Variants in COL21A1 observed in about 807,000 individuals in gnomAD.
The protein encoded by COL21A1 is collagen alpha-1(XXI) chain.
A neutral mutation model predicts 137.9 loss-of-function variants in COL21A1; 149 were observed. That is an observed-to-expected ratio of 1.08 (90% CI 0.95 to 1.24). The LOEUF is 1.24. COL21A1 is among the 50% of genes most tolerant of loss of function. The probability of loss-of-function intolerance (pLI) is 0.00; values close to 1 mark genes in which losing one functional copy is unlikely to be tolerated. For missense variants in COL21A1, 1,167 were observed against 1,158.4 expected (o/e 1.01, Z -0.11); for synonymous variants, 456 against 391.5 (o/e 1.16, Z -1.95).
intron 1 of COL21A1, among the ~76,000 whole-genome samples, chr6:56,297,212 C>T (rs1764183494): frequency 6.6e-6 from 1 of 152,086 alleles, no homozygotes; most frequent in Non-Finnish European, 1.5e-5. Flanking sequence ...TTGCCATGCG[C>T]ATGAGTTACT....
chr6:56,244,457 A>C (rs976837308), intron 1 of COL21A1, among the ~76,000 whole-genome samples: 3 of 152,110 alleles, frequency 2.0e-5, no homozygotes, highest in Non-Finnish European at 4.4e-5. Flanking sequence ...TTTCATCCCC[A>C]CAGCTACTCC....
chr6:56,354,347 G>GA (rs1347855896), intron 1 of COL21A1, among the ~76,000 whole-genome samples: 7 of 152,032 alleles, frequency 4.6e-5, no homozygotes, highest in African/African-American at 1.7e-4. Flanking sequence ...GTGCTTTTTT[G>GA]AATATATGCT....
chr6:56,301,713 T>C (rs545591515), intron 1 of COL21A1, among the ~76,000 whole-genome samples: 1 of 151,792 alleles, frequency 6.6e-6, no homozygotes, highest in Non-Finnish European at 1.5e-5. Flanking sequence ...ACTTTTTTCT[T>C]TTTTTTTCCA....
chr6:56,260,882 G>C (rs1012516316), intron 1 of COL21A1, among the ~76,000 whole-genome samples: 8 of 148,108 alleles, frequency 5.4e-5, no homozygotes, highest in Middle Eastern at 3.2e-3. Flanking sequence ...GTGTGTATGT[G>C]TGTGTGTGTG....
intron 1 of COL21A1, among the ~76,000 whole-genome samples, chr6:56,306,137 A>G (rs572772350): frequency 2.9e-5 from 3 of 103,192 alleles, no homozygotes; most frequent in Non-Finnish European, 4.4e-5. Flanking sequence ...TGGGTAACCC[A>G]ACCTTTCTCT....
intron 1 of COL21A1, among the ~76,000 whole-genome samples, chr6:56,206,697 A>AATAAATAT (rs1344636182): frequency 5.0e-4 from 16 of 32,306 alleles, no homozygotes; most frequent in South Asian, 2.8e-3. Context: ...TAAATAAATA[A>AATAAATAT]ATATATATAT....
chr6:56,278,256 G>T (rs1186900922), intron 1 of COL21A1, among the ~76,000 whole-genome samples: 3 of 152,180 alleles, frequency 2.0e-5, no homozygotes, highest in Non-Finnish European at 4.4e-5. Context: ...TAAAATAAAT[G>T]GTGGGATGTT....
At chr6:56,278,742 ACCGATTGG>A (rs1763726669) in intron 1 of COL21A1, among the ~76,000 whole-genome samples, 2 of 152,178 alleles carry the variant, frequency 1.3e-5, no homozygotes, top group South Asian at 4.1e-4. Context: ...CCCATGTCAC[ACCGATTGG>A]TGGTGAATGA....
chr6:56,186,404 T>A (rs1458603685), intron 1 of COL21A1, among the ~76,000 whole-genome samples: 1 of 152,214 alleles, frequency 6.6e-6, no homozygotes, highest in Admixed American at 6.5e-5. Context: ...CACATTGAGT[T>A]GTGAAATACT....
Position 56,098,542 on chromosome 6 carries a change from TATATAAATATATATAA to T in COL21A1, c.1812+2914_1812+2929del, listed in dbSNP as rs1769970664. On this transcript the variant is annotated intron_variant, in intron 17 of 29. Coordinates refer to ENST00000244728, the MANE Select transcript of COL21A1 (RefSeq NM_030820.4). ...ATAAATATATAAATATATATATAAA[TATATAAATATATATAA>T]ATATATAAATATATATAAATATATA... Among the ~76,000 whole-genome samples, 14 of 31,230 alleles carry T rather than the reference TATATAAATATATATAA, an allele frequency of 4.5e-4. 1 individual carries two copies. The highest frequency in any genetic ancestry group is 2.0e-3 in the African/African-American group (14 of 6,868). The allele number at this position is 31,230 out of a possible 152,430, so 20.5% of individuals were successfully genotyped here.
chr6:56,283,746 A>C (rs1274434110), intron 1 of COL21A1, among the ~76,000 whole-genome samples: 1 of 152,050 alleles, frequency 6.6e-6, no homozygotes, highest in Non-Finnish European at 1.5e-5. Flanking sequence ...GGAGGAACTA[A>C]ATTTTTAAAT....
chr6:56,101,539 G>A lies in COL21A1; in HGVS notation c.1759-14C>T, dbSNP rs772686704. The A allele has an allele frequency of 3.2e-6, 5 of 1,571,642 alleles. No individual in the cohort carries two copies. Among genetic ancestry groups the A allele is most frequent in the Non-Finnish European group, 3.5e-6 (4 of 1,156,210 alleles). ...TCCTGCTTCTCCCTTTTAATGATTT[G>A]ACAAAAAGAAATAGAGAATTCAGTT... On this transcript the variant is annotated splice_polypyrimidine_tract_variant and intron_variant, in intron 16 of 29. Coordinates refer to ENST00000244728, the MANE Select transcript of COL21A1 (RefSeq NM_030820.4).
At position 56,152,828 on chromosome 6, in the gene COL21A1, G is replaced by A. The variant is rs4715582; in HGVS notation, c.1434+4059C>T. On this transcript the variant is annotated intron_variant, in intron 10 of 29. Transcript: ENST00000244728. Reference sequence around the variant, plus strand: ...ATCTGGGAGCTCTGTGTCATTATTAGGCATGAGCAGATGACATCAGTGTGT... The same window carrying A: ...ATCTGGGAGCTCTGTGTCATTATTAAGCATGAGCAGATGACATCAGTGTGT... Among the ~76,000 whole-genome samples the A allele has an allele frequency of 4.2e-3, 634 of 152,212 alleles. 20 individuals carry two copies. In the East Asian group the frequency reaches 0.06, roughly 15 times the overall value.
chr6:56,092,245 T>A (rs1768894181), intron 17 of COL21A1, among the ~76,000 whole-genome samples: 1 of 152,042 alleles, frequency 6.6e-6, no homozygotes, highest in Non-Finnish European at 1.5e-5. Flanking sequence ...GAACATAAAA[T>A]AAAGGCAAGA....
At chr6:56,251,077 G>C (rs949540612), upstream of COL21A1, among the ~76,000 whole-genome samples, 1 of 152,082 alleles carries the variant, frequency 6.6e-6, no homozygotes, top group Non-Finnish European at 1.5e-5. Context: ...ACAGTCCTCT[G>C]TCTCACCTCT....
chr6:56,276,253 TG>T (rs1763646156), intron 1 of COL21A1, among the ~76,000 whole-genome samples: 3 of 152,284 alleles, frequency 2.0e-5, no homozygotes, highest in African/African-American at 7.2e-5. Flanking sequence ...GTTGAAAAAC[TG>T]TCTATTGGGT....
chr6:56,174,264 C>T (rs1224774063), intron 3 of COL21A1, among the ~76,000 whole-genome samples: 1 of 151,724 alleles, frequency 6.6e-6, no homozygotes, highest in Non-Finnish European at 1.5e-5. Flanking sequence ...CTTTATACCT[C>T]AAGGACCTAC....
chr6:56,129,316 G>A (rs1773302062), intron 12 of COL21A1, among the ~76,000 whole-genome samples: 1 of 151,996 alleles, frequency 6.6e-6, no homozygotes, highest in South Asian at 2.1e-4. Flanking sequence ...TTAGGATTCA[G>A]CTTCCCAGTA....
At chr6:56,275,050 AATAAAGTCCCAC>A (rs983245101) in intron 1 of COL21A1, among the ~76,000 whole-genome samples, 1 of 152,184 alleles carries the variant, frequency 6.6e-6, no homozygotes, top group African/African-American at 2.4e-5. Flanking sequence ...AGAACCCAGA[AATAAAGTCCCAC>A]ACTGCAACCA....
Sources: allele counts gnomAD v4.1 joint callset (sites outside exome capture counted in the v4.1 genomes callset), GRCh38; gene constraint gnomAD v4.1.1; transcripts MANE v1.5; gene names NCBI Gene and HGNC (gene_info 2026-07-23, HGNC 2026-07-21).